TNR: variants seen among roughly 807,000 people sequenced by gnomAD.
The protein encoded by TNR is tenascin R.
A neutral mutation model predicts 150.4 loss-of-function variants in TNR; 45 were observed. The ratio of observed to expected loss-of-function variants is 0.30; its 90% CI spans 0.24 to 0.38. The LOEUF (loss-of-function observed/expected upper bound fraction) is 0.38, where lower values mean the gene tolerates loss of function less well. Among genes scored for constraint, TNR ranks in the 10% least tolerant of loss-of-function variants. The probability of loss-of-function intolerance (pLI) is 1.00; values close to 1 mark genes in which losing one functional copy is unlikely to be tolerated. For missense variants in TNR, 1,544 were observed against 1,759.1 expected, an observed-to-expected ratio of 0.88 and a Z score of 2.19; for synonymous variants, 687 against 678.4, an observed-to-expected ratio of 1.01 and a Z score of -0.20.
chr1:175,414,787 T>C (rs1278298975), intron 2 of TNR, among the ~76,000 whole-genome samples: 2 of 152,158 alleles, frequency 1.3e-5, no homozygotes, highest in African/African-American at 2.4e-5. Context: ...CCTCTGACTT[T>C]TGAGGGACTG....
At chr1:175,583,294 C>T (rs1662436356) in intron 1 of TNR, among the ~76,000 whole-genome samples, 1 of 152,182 alleles carries the variant, frequency 6.6e-6, no homozygotes, top group Non-Finnish European at 1.5e-5. Context: ...AGGAGCTGAG[C>T]TGGCATTGAA....
intron 1 of TNR, among the ~76,000 whole-genome samples, chr1:175,633,294 G>A (rs147810758): frequency 1.8e-4 from 28 of 152,188 alleles, no homozygotes; most frequent in Non-Finnish European, 3.2e-4. Flanking sequence ...CCAAGACTTG[G>A]TCTTATGTTC....
intron 2 of TNR, among the ~76,000 whole-genome samples, chr1:175,465,890 G>C (rs1213452878): frequency 1.3e-5 from 2 of 152,170 alleles, no homozygotes; most frequent in Non-Finnish European, 2.9e-5. Context: ...TAACATTCTT[G>C]GGGTCCCACA....
intron 2 of TNR, among the ~76,000 whole-genome samples, chr1:175,478,001 C>G (rs1055363546): frequency 6.6e-6 from 1 of 152,214 alleles, no homozygotes; most frequent in African/African-American, 2.4e-5. Context: ...ACTGCCTACA[C>G]TGTCACTTGC....
intron 1 of TNR, chr1:175,538,980 C>T (rs1660397370): frequency 6.6e-6 from 1 of 152,226 alleles, no homozygotes; most frequent in Admixed American, 6.5e-5. Context: ...AAGAGAAAAC[C>T]ATGCTTTCAA....
intron 2 of TNR, among the ~76,000 whole-genome samples, chr1:175,501,699 C>T (rs1393192591): frequency 6.6e-6 from 1 of 152,224 alleles, no homozygotes; most frequent in African/African-American, 2.4e-5. Context: ...TTCTTCTTAA[C>T]TTCATCCTTT....
At chr1:175,427,851 T>C (rs926735807) in intron 2 of TNR, among the ~76,000 whole-genome samples, 1 of 128,822 alleles carries the variant, frequency 7.8e-6, no homozygotes, top group African/African-American at 3.1e-5. Context: ...TCCCTCTTTT[T>C]TCCTTCCTTC....
At chr1:175,342,362 G>A (rs967244232) in intron 18 of TNR, among the ~76,000 whole-genome samples, 4 of 152,244 alleles carry the variant, frequency 2.6e-5, no homozygotes, top group Admixed American at 6.5e-5. Context: ...CAAATTGGTG[G>A]AGAAGGGTGT....
rs546872645 is a variant in TNR, at chr1:175,590,234, C to T, written c.-164-61865G>A. Among the ~76,000 whole-genome samples, 3 of 152,072 alleles carry T rather than the reference C, an allele frequency of 2.0e-5. No individual in the cohort carries two copies. In the South Asian group the frequency reaches 6.2e-4, roughly 32 times the overall value. Reference sequence around the variant, plus strand: ...GATATATTTGCTTACCTGTAGTAGTCATTATTGTATGTCTATATCAAAACA... The same window carrying T: ...GATATATTTGCTTACCTGTAGTAGTTATTATTGTATGTCTATATCAAAACA... On this transcript the variant is annotated intron_variant, in intron 1 of 22. Coordinates refer to ENST00000367674, the MANE Select transcript of TNR (RefSeq NM_003285.3).
chr1:175,351,721 A>T (rs1020062597), intron 18 of TNR, among the ~76,000 whole-genome samples: 1 of 152,242 alleles, frequency 6.6e-6, no homozygotes, highest in Non-Finnish European at 1.5e-5. Flanking sequence ...AGAGTTTGGT[A>T]TACATGAGTG....
intron 1 of TNR, chr1:175,538,845 G>A (rs1660390949): frequency 6.6e-6 from 1 of 152,208 alleles, no homozygotes; most frequent in African/African-American, 2.4e-5. Context: ...CCCAGATGTT[G>A]GGATTATGCT....
At chr1:175,739,667 G>T (rs1377841751) in intron 1 of TNR, among the ~76,000 whole-genome samples, 1 of 152,132 alleles carries the variant, frequency 6.6e-6, no homozygotes, top group Non-Finnish European at 1.5e-5. Flanking sequence ...GAGCTATGTT[G>T]GTACATGGGT....
intron 20 of TNR, among the ~76,000 whole-genome samples, chr1:175,334,962 T>G (rs1487991382): frequency 6.6e-6 from 1 of 152,184 alleles, no homozygotes; most frequent in Non-Finnish European, 1.5e-5. Flanking sequence ...GGTAAGAAGC[T>G]TGTTATCTAG....
chr1:175,435,793 G>A (rs1655479576), intron 2 of TNR, among the ~76,000 whole-genome samples: 1 of 152,180 alleles, frequency 6.6e-6, no homozygotes, highest in Non-Finnish European at 1.5e-5. Context: ...TCCTTTCCAT[G>A]TTTAGTGCTT....
At chr1:175,347,799 A>G (rs1048635693) in intron 18 of TNR, among the ~76,000 whole-genome samples, 2 of 152,158 alleles carry the variant, frequency 1.3e-5, no homozygotes, top group African/African-American at 4.8e-5. Context: ...TTTAGCAAAG[A>G]TTATGCAACA....
Position 175,362,770 on chromosome 1 carries a change from G to C in TNR, c.2747C>G (p.Thr916Arg). 6.2e-7 allele frequency: 1 copy of C among 1,614,138 alleles called. No individual in the cohort carries two copies. Among genetic ancestry groups the C allele is most frequent in the Non-Finnish European group, 8.5e-7 (1 of 1,180,002 alleles). The change falls in exon 14 of 23, where the codon ACA becomes AGA. Residue 916 changes from threonine (T) to arginine (R), a missense_variant. By Grantham distance (71) the Thr-to-Arg change is moderately conservative (BLOSUM62 -1). Coordinates refer to ENST00000367674, the MANE Select transcript of TNR (RefSeq NM_003285.3). The stretch of plus-strand genomic sequence containing the variant: ...GTTCAGTCTGGTGATGGTGAATTCT[G>C]TCACAGTGTTGGGCACCACTGAGCT... ...LDSSVVPNTV[T>R]EFTITRLNPA... is the part of the protein sequence containing the mutation.
chr1:175,439,913 T>G (rs1469670541), intron 2 of TNR, among the ~76,000 whole-genome samples: 1 of 152,156 alleles, frequency 6.6e-6, no homozygotes, highest in East Asian at 1.9e-4. Context: ...AGGAACACTT[T>G]TACACTGTTG....
intron 1 of TNR, among the ~76,000 whole-genome samples, chr1:175,609,272 TAATC>T (rs1050263668): frequency 1.3e-5 from 2 of 151,548 alleles, no homozygotes; most frequent in African/African-American, 4.9e-5. Flanking sequence ...CACAAATCAA[TAATC>T]AATAATTTGC....
In TNR at chr1:175,426,337, G is replaced by C. The variant is rs57458379; in HGVS notation, c.-63-19560C>G. Reference sequence around the variant, plus strand: ...CCTGGGATACTGGGGTGCTGCGTTTGCTCCCCTGCCTGAATCTACCGGGGC... The same window carrying C: ...CCTGGGATACTGGGGTGCTGCGTTTCCTCCCCTGCCTGAATCTACCGGGGC... On this transcript the variant is annotated intron_variant, in intron 2 of 22. Transcript: ENST00000367674. Among the ~76,000 whole-genome samples, 532 of 152,270 alleles carry C rather than the reference G, an allele frequency of 3.5e-3. 5 individuals are homozygous for C. The highest frequency in any genetic ancestry group is 0.012 in the African/African-American group (516 of 41,560).
Sources: gnomAD v4.1 joint callset for allele counts (sites outside exome capture counted in the v4.1 genomes callset) on GRCh38, gnomAD v4.1.1 for gene constraint, MANE v1.5 for transcripts, NCBI Gene and HGNC (gene_info 2026-07-23, HGNC 2026-07-21) for gene names.